Variants in ZC3H12B observed in about 807,000 individuals in gnomAD.
ZC3H12B encodes probable ribonuclease ZC3H12B.
A neutral mutation model predicts 43.9 loss-of-function variants in ZC3H12B; 7 were observed. The ratio of observed to expected loss-of-function variants is 0.16; its 90% CI spans 0.09 to 0.30. The LOEUF (loss-of-function observed/expected upper bound fraction) is 0.30, where lower values mean the gene tolerates loss of function less well. ZC3H12B is among the 10% of genes least tolerant of loss of function. ZC3H12B has a pLI of 1.00. For missense variants in ZC3H12B, 475 were observed against 670.2 expected, an observed-to-expected ratio of 0.71 and a Z score of 3.22; for synonymous variants, 222 against 241.7, an observed-to-expected ratio of 0.92 and a Z score of 0.76.
At chrX:65,401,673 T>C (rs757480934) in intron 3 of ZC3H12B, among the ~76,000 whole-genome samples, 1 of 111,440 alleles carries the variant, frequency 9.0e-6, no homozygotes, top group African/African-American at 3.3e-5. Context: ...CCAAAACAGA[T>C]CCCTTCCTTC....
At chrX:65,059,171 G>A in the ZC3H12B span, among the ~76,000 whole-genome samples, 16 of 108,414 alleles carry the variant, frequency 1.5e-4, no homozygotes, top group East Asian at 2.9e-4. Flanking sequence ...CGTCGCTCAC[G>A]CTGGGAGCTG....
chrX:65,177,105 G>A, the ZC3H12B span, among the ~76,000 whole-genome samples: 1 of 112,158 alleles, frequency 8.9e-6, no homozygotes, highest in South Asian at 3.7e-4. Context: ...TTATTGCTGG[G>A]ACACAAGGAT....
the ZC3H12B span, among the ~76,000 whole-genome samples, chrX:65,113,994 T>TATATATATATATAA: frequency 3.7e-5 from 1 of 26,921 alleles, no homozygotes; most frequent in African/African-American, 3.2e-4. Context: ...TGTATATATA[T>TATATATATATATAA]ATATATATAT....
the ZC3H12B span, among the ~76,000 whole-genome samples, chrX:65,358,621 T>C: frequency 9.0e-6 from 1 of 111,197 alleles, no homozygotes; most frequent in African/African-American, 3.3e-5. Context: ...AATAAAGATG[T>C]TCTTTGAAAC....
chrX:65,249,402 T>C, the ZC3H12B span, among the ~76,000 whole-genome samples: 2 of 112,192 alleles, frequency 1.8e-5, no homozygotes, highest in East Asian at 5.5e-4. Context: ...TTCTCCACTT[T>C]GTTCCATTGG....
At position 65,385,524 on chromosome X, in the gene ZC3H12B, G is replaced by A. The variant is rs183922200; in HGVS notation, n.296-13069G>A. On this transcript the variant is annotated intron_variant and non_coding_transcript_variant, in intron 2 of 5. Transcript: ENST00000617377. ...TGTATTATGAGAGTTTGCTGAAGTTGCATATCAGCTTAAGGAGATTTTGGG... is the reference window on the plus strand; with the variant it reads ...TGTATTATGAGAGTTTGCTGAAGTTACATATCAGCTTAAGGAGATTTTGGG... 4.5e-5 allele frequency among the ~76,000 whole-genome samples: 5 copies of A among 112,341 alleles called. No individual in the cohort carries two copies. In the Admixed American group the frequency reaches 4.7e-4, roughly 11 times the overall value.
At chrX:65,034,919 A>C in the ZC3H12B span, among the ~76,000 whole-genome samples, 1 of 112,521 alleles carries the variant, frequency 8.9e-6, no homozygotes, top group African/African-American at 3.2e-5. Flanking sequence ...GGGCCCAGGG[A>C]CTGGAATCAG....
the ZC3H12B span, among the ~76,000 whole-genome samples, chrX:65,345,572 C>T: frequency 9.0e-6 from 1 of 110,877 alleles, no homozygotes; most frequent in East Asian, 2.8e-4. Flanking sequence ...GGGAGAAGAT[C>T]AGGAAAAATA....
At chrX:65,201,467 C>T in the ZC3H12B span, among the ~76,000 whole-genome samples, 1 of 110,835 alleles carries the variant, frequency 9.0e-6, no homozygotes, top group Non-Finnish European at 1.9e-5. Flanking sequence ...AGCTAGTGGT[C>T]TATTTTATTA....
the ZC3H12B span, among the ~76,000 whole-genome samples, chrX:65,361,340 C>T: frequency 8.9e-6 from 1 of 111,947 alleles, no homozygotes; most frequent in Admixed American, 9.5e-5. Context: ...AATATTCATA[C>T]TCAGTCTTTG....
chrX:65,156,848 A>G, the ZC3H12B span, among the ~76,000 whole-genome samples: 3 of 111,380 alleles, frequency 2.7e-5, no homozygotes, highest in African/African-American at 9.8e-5. Flanking sequence ...TTGCTTTTTT[A>G]TTGAGAATAC....
the ZC3H12B span, among the ~76,000 whole-genome samples, chrX:65,301,918 C>T: frequency 1.8e-5 from 2 of 111,015 alleles, no homozygotes; most frequent in Non-Finnish European, 3.8e-5. Context: ...AAGAAAAATG[C>T]CATATTCATA....
chrX:65,483,289 C>CA lies in ZC3H12B; in HGVS notation n.408-5356dup, dbSNP rs751760446. On this transcript the variant is annotated intron_variant and non_coding_transcript_variant, in intron 3 of 5. Transcript: ENST00000617377. ...ACTACCTATAAACTATTCAAGAGCA[C>CA]ACAAACAGATGGGTATAGTTGGAGG... Among the ~76,000 whole-genome samples, 449 of 111,703 alleles carry CA rather than the reference C, an allele frequency of 4.0e-3. 2 individuals are homozygous for CA. Among genetic ancestry groups the CA allele is most frequent in the African/African-American group, 0.014 (427 of 30,832 alleles).
the ZC3H12B span, among the ~76,000 whole-genome samples, chrX:65,171,114 G>A: frequency 9.0e-5 from 10 of 111,307 alleles, no homozygotes; most frequent in Non-Finnish European, 1.7e-4. Flanking sequence ...AGGAGAAGAG[G>A]CACTCTGATT....
At chrX:65,289,227 T>C in the ZC3H12B span, among the ~76,000 whole-genome samples, 1 of 110,899 alleles carries the variant, frequency 9.0e-6, no homozygotes, top group African/African-American at 3.3e-5. Context: ...ATTCACAACG[T>C]TAGAAAAAAG....
intron 2 of ZC3H12B, among the ~76,000 whole-genome samples, chrX:65,382,404 C>A (rs1252685839): frequency 8.1e-5 from 9 of 110,548 alleles, no homozygotes; most frequent in Non-Finnish European, 1.5e-4. Context: ...ATTCAACAAC[C>A]CTTCATGCTA....
the ZC3H12B span, among the ~76,000 whole-genome samples, chrX:65,250,669 G>T: frequency 8.9e-6 from 1 of 111,818 alleles, no homozygotes; most frequent in African/African-American, 3.3e-5. Context: ...GTTTTGATTT[G>T]CATTTCTCTG....
At chrX:65,331,597 G>A in the ZC3H12B span, among the ~76,000 whole-genome samples, 1 of 102,711 alleles carries the variant, frequency 9.7e-6, no homozygotes, top group Non-Finnish European at 1.9e-5. Flanking sequence ...TATTTTTACA[G>A]TAAAGTGAAA....
At chrX:65,422,538 AT>A (rs112403027) in intron 3 of ZC3H12B, among the ~76,000 whole-genome samples, 15,496 of 106,270 alleles carry the variant, frequency 0.15, 2,704 homozygotes, top group African/African-American at 0.49. Context: ...TTGATGTTTT[AT>A]TTTTTTTTTT....
Sources: allele counts gnomAD v4.1 joint callset (sites outside exome capture counted in the v4.1 genomes callset), GRCh38; gene constraint gnomAD v4.1.1; transcripts MANE v1.5; gene names NCBI Gene and HGNC (gene_info 2026-07-23, HGNC 2026-07-21).